The following UPRT variants were observed in gnomAD, a reference collection of about 807,000 sequenced individuals.
UPRT encodes the protein RP11-311P8.3.
UPRT carries 5 observed loss-of-function variants against 22.6 expected under a neutral mutation model. The ratio of observed to expected loss-of-function variants is 0.22; its 90% CI spans 0.12 to 0.47. The LOEUF (loss-of-function observed/expected upper bound fraction) is 0.47. Among genes scored for constraint, UPRT ranks in the 20% least tolerant of loss-of-function variants. The probability of loss-of-function intolerance (pLI) is 0.99; values close to 1 mark genes in which losing one functional copy is unlikely to be tolerated. For missense variants in UPRT, 181 were observed against 239.9 expected (o/e 0.75, Z 1.62); for synonymous variants, 77 against 87.7 (o/e 0.88, Z 0.68).
At chrX:75,201,186 C>G (rs1348129423) in intron 4 of UPRT, among the ~76,000 whole-genome samples, 2 of 112,203 alleles carry the variant, frequency 1.8e-5, no homozygotes. Context: ...CTCTCAGTCA[C>G]TAAAATGCTT....
At chrX:75,227,291 A>G (rs1314760232) in intron 4 of UPRT, among the ~76,000 whole-genome samples, 1 of 111,815 alleles carries the variant, frequency 8.9e-6, no homozygotes, top group Admixed American at 9.5e-5. Flanking sequence ...ATTAAAGGGA[A>G]GCGGATGAGG....
chrX:75,235,035 G>A (rs1489799460), intron 4 of UPRT, among the ~76,000 whole-genome samples: 1 of 111,641 alleles, frequency 9.0e-6, no homozygotes, highest in Non-Finnish European at 1.9e-5. Context: ...TTGATAGACT[G>A]CTAGCAAGAC....
intron 4 of UPRT, among the ~76,000 whole-genome samples, chrX:75,224,624 C>A (rs1482341095): frequency 1.8e-5 from 2 of 111,039 alleles, no homozygotes; most frequent in African/African-American, 6.5e-5. Flanking sequence ...TTTACAATGT[C>A]TTGGAGCACA....
At chrX:75,221,209 G>GT (rs781624963) in intron 4 of UPRT, among the ~76,000 whole-genome samples, 3,637 of 104,209 alleles carry the variant, frequency 0.035, 150 homozygotes, top group African/African-American at 0.12. Context: ...TTTTTTGTTT[G>GT]TTTTTTTTTT....
At chrX:75,202,380 C>T (rs887886508) in intron 4 of UPRT, among the ~76,000 whole-genome samples, 3 of 110,924 alleles carry the variant, frequency 2.7e-5, no homozygotes, top group Non-Finnish European at 5.7e-5. Flanking sequence ...GCAAGAGGAT[C>T]CCTTTAGCCC....
intron 4 of UPRT, among the ~76,000 whole-genome samples, chrX:75,226,461 T>C (rs993464705): frequency 8.9e-6 from 1 of 112,022 alleles, no homozygotes; most frequent in Non-Finnish European, 1.9e-5. Context: ...TTCCACTCCA[T>C]ACCCAGTTTA....
intron 4 of UPRT, among the ~76,000 whole-genome samples, chrX:75,240,963 C>A (rs1042430739): frequency 2.7e-5 from 3 of 111,344 alleles, no homozygotes; most frequent in African/African-American, 9.8e-5. Flanking sequence ...TAAGACCTGA[C>A]ACCAAAAAAT....
At chrX:75,294,532 G>A in intron 2 of UPRT, 2 of 950,009 alleles carry the variant, frequency 2.1e-6, no homozygotes, top group Non-Finnish European at 2.7e-6. Flanking sequence ...TAAAAGGAAT[G>A]TGAAAAAAAG....
rs2082621224 is a variant in UPRT, at chrX:75,274,265, A to T, written c.11A>T (p.Glu4Val). The T allele has an allele frequency of 8.3e-7, 1 of 1,205,702 alleles. No individual in the cohort carries two copies. Among genetic ancestry groups the T allele is most frequent in the East Asian group, 3.0e-5 (1 of 33,756 alleles). MAT[E>V]LQCPDSMPCH... ...CCCGGGGCCCGGTGTATGGCCACGG[A>T]GTTACAGTGTCCGGACTCCATGCCC... Residue 4 changes from glutamate to valine, a missense_variant, in exon 1 of 7, where the codon GAG becomes GTG. Physicochemically the swap from Glu to Val is moderately radical, Grantham distance 121. Coordinates refer to ENST00000373383, the MANE Select transcript of UPRT (RefSeq NM_145052.4).
At chrX:75,172,533 C>A (rs1281838213) in intron 4 of UPRT, among the ~76,000 whole-genome samples, 1 of 112,035 alleles carries the variant, frequency 8.9e-6, no homozygotes, top group African/African-American at 3.3e-5. Flanking sequence ...GCAAGCAGTG[C>A]TTTTGTGTCC....
chrX:75,262,085 C>T (rs1451513582), intron 4 of UPRT, among the ~76,000 whole-genome samples: 1 of 111,640 alleles, frequency 9.0e-6, no homozygotes, highest in Non-Finnish European at 1.9e-5. Flanking sequence ...CAACAGATGC[C>T]TCCGCAGAAA....
chrX:75,259,326 G>A (rs1211807742), intron 4 of UPRT, among the ~76,000 whole-genome samples: 3 of 109,885 alleles, frequency 2.7e-5, no homozygotes, highest in East Asian at 5.8e-4. Flanking sequence ...AAACTCCTCC[G>A]AGCTAAAGGA....
intron 4 of UPRT, among the ~76,000 whole-genome samples, chrX:75,265,467 C>T (rs1435609938): frequency 5.4e-5 from 6 of 112,124 alleles, no homozygotes; most frequent in Non-Finnish European, 1.1e-4. Context: ...TCAAGTTGAT[C>T]GAATTGGCTA....
intron 4 of UPRT, among the ~76,000 whole-genome samples, chrX:75,197,081 C>T (rs1178249675): frequency 9.0e-6 from 1 of 111,023 alleles, no homozygotes; most frequent in Non-Finnish European, 1.9e-5. Context: ...AATACACCCA[C>T]CTCCCTCCCC....
intron 4 of UPRT, among the ~76,000 whole-genome samples, chrX:75,248,299 TA>T (rs1032814850): frequency 4.5e-5 from 5 of 110,851 alleles, no homozygotes; most frequent in African/African-American, 1.6e-4. Context: ...GCAAAGAAGA[TA>T]AAAACCTTGA....
intron 4 of UPRT, among the ~76,000 whole-genome samples, chrX:75,178,073 C>T (rs2082254765): frequency 8.9e-6 from 1 of 111,959 alleles, no homozygotes; most frequent in African/African-American, 3.2e-5. Context: ...TTGTCGGGAC[C>T]CCGGAGCTGC....
intron 4 of UPRT, among the ~76,000 whole-genome samples, chrX:75,187,598 A>G (rs923821256): frequency 1.2e-4 from 13 of 111,890 alleles, no homozygotes; most frequent in Non-Finnish European, 2.4e-4. Context: ...AGTTCTCCCG[A>G]ATAATATCCT....
intron 4 of UPRT, among the ~76,000 whole-genome samples, chrX:75,187,490 C>G: frequency 9.0e-6 from 1 of 111,039 alleles, no homozygotes. Flanking sequence ...TGAATCTGAC[C>G]TTTATGTGTC....
chrX:75,194,662 C>T (rs767690958), intron 4 of UPRT, among the ~76,000 whole-genome samples: 1 of 110,691 alleles, frequency 9.0e-6, no homozygotes, highest in Admixed American at 9.6e-5. Flanking sequence ...CTATGAGTGC[C>T]CTTTGAGCAT....
Sources: gnomAD v4.1 joint callset for allele counts (sites outside exome capture counted in the v4.1 genomes callset) on GRCh38, gnomAD v4.1.1 for gene constraint, MANE v1.5 for transcripts, NCBI Gene and HGNC (gene_info 2026-07-23, HGNC 2026-07-21) for gene names.